Variants in SPSB4 observed in about 807,000 individuals in gnomAD.
The protein encoded by SPSB4 is splA/ryanodine receptor domain and SOCS box containing 4.
A neutral mutation model predicts 20.9 loss-of-function variants in SPSB4; 21 were observed. That is an observed-to-expected ratio of 1.01 (90% CI 0.71 to 1.45). SPSB4 has a LOEUF of 1.45. Among genes scored for constraint, SPSB4 ranks in the 40% most tolerant of loss-of-function variants. The pLI is 0.00. For synonymous variants in SPSB4, 207 were observed against 183.8 expected (o/e 1.13, Z -1.02); for missense variants, 399 against 399.2 (o/e 1.00, Z 0.00).
chr3:141,087,114 A>G (rs111795280), intron 2 of SPSB4, among the ~76,000 whole-genome samples: 9,594 of 152,232 alleles, frequency 0.063, 921 homozygotes, highest in African/African-American at 0.21. Context: ...TCACAGCCAG[A>G]TTTGCATGCA....
chr3:141,120,339 T>A (rs1249009837), intron 2 of SPSB4, among the ~76,000 whole-genome samples: 2 of 152,334 alleles, frequency 1.3e-5, no homozygotes, highest in South Asian at 4.1e-4. Context: ...CTTCCAAGTA[T>A]GTGGTCAATT....
At chr3:141,145,689 T>C (rs375403070) in intron 2 of SPSB4, among the ~76,000 whole-genome samples, 2 of 152,320 alleles carry the variant, frequency 1.3e-5, no homozygotes, top group South Asian at 2.1e-4. Context: ...AGGTTCAGGC[T>C]TCCAGCATAC....
At chr3:141,141,666 A>G (rs964013203) in intron 2 of SPSB4, among the ~76,000 whole-genome samples, 1 of 152,180 alleles carries the variant, frequency 6.6e-6, no homozygotes, top group Non-Finnish European at 1.5e-5. Flanking sequence ...CTGTGAATCC[A>G]TCTGGTCCTT....
chr3:141,077,744 T>C (rs1360082832), intron 2 of SPSB4, among the ~76,000 whole-genome samples: 2 of 152,168 alleles, frequency 1.3e-5, no homozygotes, highest in African/African-American at 4.8e-5. Context: ...TGAGGGCCAC[T>C]CACAGTGCTT....
At chr3:141,090,671 T>A (rs1320048599) in intron 2 of SPSB4, among the ~76,000 whole-genome samples, 1 of 152,096 alleles carries the variant, frequency 6.6e-6, no homozygotes, top group Non-Finnish European at 1.5e-5. Flanking sequence ...GGCACAGAGG[T>A]TAGCCGATCA....
intron 2 of SPSB4, among the ~76,000 whole-genome samples, chr3:141,093,871 G>T (rs1185781638): frequency 6.6e-6 from 1 of 152,112 alleles, no homozygotes; most frequent in Non-Finnish European, 1.5e-5. Flanking sequence ...CCATGCCTTG[G>T]CCCCCTCTTC....
In SPSB4 at chr3:141,108,284, C is replaced by G. The variant is rs936811617; in HGVS notation, c.695-38858C>G. 3.3e-5 allele frequency among the ~76,000 whole-genome samples: 5 copies of G among 152,286 alleles called. No homozygotes were observed. In the East Asian group the frequency reaches 9.6e-4, roughly 29 times the overall value. On this transcript the variant is annotated intron_variant, in intron 2 of 2. Coordinates refer to ENST00000310546, the MANE Select transcript of SPSB4 (RefSeq NM_080862.3). The stretch of plus-strand genomic sequence containing the variant: ...CGATGACACCTTTGCTATGAATAAC[C>G]CACAAAATCAATTACTGCAGTGGGC...
chr3:141,116,374 G>A (rs1348828958), intron 2 of SPSB4, among the ~76,000 whole-genome samples: 3 of 152,246 alleles, frequency 2.0e-5, no homozygotes, highest in Admixed American at 2.0e-4. Flanking sequence ...CACTCTGGCT[G>A]AGCTTGGAAA....
At position 141,101,096 on chromosome 3, in the gene SPSB4, G is replaced by T. The variant is rs147772563; in HGVS notation, c.694+34298G>T. 4.6e-5 allele frequency among the ~76,000 whole-genome samples: 7 copies of T among 152,290 alleles called. No homozygotes were observed. In the East Asian group the frequency reaches 1.2e-3, roughly 25 times the overall value. ...GAAGGATGTGGTACGAGTTGTCATG[G>T]GTGAATGGCACTGGCCCAAAAAATG... On this transcript the variant is annotated intron_variant, in intron 2 of 2. Transcript: ENST00000310546.
intron 2 of SPSB4, among the ~76,000 whole-genome samples, chr3:141,081,369 G>A (rs1183165974): frequency 2.6e-5 from 4 of 152,174 alleles, no homozygotes; most frequent in African/African-American, 9.7e-5. Context: ...GAGGGCTGAG[G>A]AGCCCCAGAG....
intron 2 of SPSB4, among the ~76,000 whole-genome samples, chr3:141,129,749 C>T (rs1298304988): frequency 1.3e-5 from 2 of 152,256 alleles, no homozygotes; most frequent in Non-Finnish European, 2.9e-5. Context: ...TTTTCAAGCA[C>T]TCCCTGTTCT....
intron 2 of SPSB4, among the ~76,000 whole-genome samples, chr3:141,103,486 C>T (rs1476992606): frequency 6.6e-6 from 1 of 152,202 alleles, no homozygotes; most frequent in African/African-American, 2.4e-5. Flanking sequence ...ATGGAAAAGA[C>T]TCAGTTGGTG....
intron 2 of SPSB4, among the ~76,000 whole-genome samples, chr3:141,074,879 C>A (rs187398713): frequency 1.3e-5 from 2 of 152,220 alleles, no homozygotes; most frequent in Admixed American, 1.3e-4. Context: ...GGTAAAGGGT[C>A]TCACCTTTTC....
intron 2 of SPSB4, 39 bp downstream of exon 2, chr3:141,066,837 C>T: frequency 6.7e-7 from 1 of 1,491,706 alleles, no homozygotes; most frequent in South Asian, 1.4e-5. Flanking sequence ...CTTTCAGAGG[C>T]TGCCAGGCCC....
intron 2 of SPSB4, among the ~76,000 whole-genome samples, chr3:141,110,641 T>C (rs1938781662): frequency 6.6e-6 from 1 of 152,148 alleles, no homozygotes; most frequent in South Asian, 2.1e-4. Context: ...TCACTTTGGG[T>C]CCAGGGCAGA....
chr3:141,088,251 G>T (rs372603367), intron 2 of SPSB4, among the ~76,000 whole-genome samples: 57 of 152,318 alleles, frequency 3.7e-4, no homozygotes, highest in African/African-American at 1.4e-3. Context: ...AGAAAAGGGC[G>T]CACAGTTAAA....
At chr3:141,135,629 G>T (rs979792315) in intron 2 of SPSB4, among the ~76,000 whole-genome samples, 4 of 151,990 alleles carry the variant, frequency 2.6e-5, no homozygotes, top group African/African-American at 9.7e-5. Flanking sequence ...TGCTGAGAAT[G>T]ATGGTTTCCA....
intron 2 of SPSB4, among the ~76,000 whole-genome samples, chr3:141,090,087 T>C (rs1483378884): frequency 6.6e-6 from 1 of 150,732 alleles, no homozygotes. Flanking sequence ...TCATCCCCTC[T>C]TCTCTCCCTC....
intron 2 of SPSB4, among the ~76,000 whole-genome samples, chr3:141,093,328 A>G (rs2107792742): frequency 6.6e-6 from 1 of 152,034 alleles, no homozygotes; most frequent in South Asian, 2.1e-4. Context: ...AGCACTTTTC[A>G]TATTGTCAAT....
Sources: allele counts gnomAD v4.1 joint callset (sites outside exome capture counted in the v4.1 genomes callset), GRCh38; gene constraint gnomAD v4.1.1; transcripts MANE v1.5; gene names NCBI Gene and HGNC (gene_info 2026-07-23, HGNC 2026-07-21).